The following FRMPD4 variants were observed in gnomAD, a reference collection of about 807,000 sequenced individuals.
FRMPD4 encodes FERM and PDZ domain-containing protein 4.
FRMPD4 carries 22 observed loss-of-function variants against 94.1 expected under a neutral mutation model. The ratio of observed to expected loss-of-function variants is 0.23; its 90% CI spans 0.17 to 0.33. The LOEUF is 0.33. FRMPD4 is among the 10% of genes least tolerant of loss of function. The pLI is 1.00. For missense variants in FRMPD4, 1,111 were observed against 1,339.9 expected (o/e 0.83, Z 2.67); for synonymous variants, 631 against 548.6 (o/e 1.15, Z -2.10).
chrX:12,220,089 G>A (rs1465176694), intron 1 of FRMPD4, among the ~76,000 whole-genome samples: 4 of 111,597 alleles, frequency 3.6e-5, no homozygotes, highest in East Asian at 2.8e-4. Context: ...TGTGGTGAGC[G>A]GAGATCGCAC....
intron 14 of FRMPD4, among the ~76,000 whole-genome samples, chrX:12,710,936 A>T (rs1360363767): frequency 2.7e-5 from 3 of 111,576 alleles, no homozygotes; most frequent in Non-Finnish European, 5.6e-5. Context: ...AATTAAAATT[A>T]AAAAAAGTTA....
chrX:11,871,171 G>A lies in FRMPD4; in HGVS notation c.-30+5955G>A, dbSNP rs1007054774. On this transcript the variant is annotated intron_variant, in intron 2 of 18. Coordinates refer to the FRMPD4 transcript ENST00000640291. ...TGAAGAAAGATACCCTAGCATTCTT[G>A]TTCCCTGGGGGAGGCATCTCTGAAG... 4.4e-5 allele frequency among the ~76,000 whole-genome samples: 5 copies of A among 112,486 alleles called. No homozygotes were observed. In the Admixed American group the frequency reaches 4.7e-4, roughly 11 times the overall value.
intron 1 of FRMPD4, among the ~76,000 whole-genome samples, chrX:12,458,833 G>A (rs1040351941): frequency 8.9e-6 from 1 of 111,885 alleles, no homozygotes; most frequent in Non-Finnish European, 1.9e-5. Flanking sequence ...CTCCAATGGA[G>A]TGAGGAGCTA....
At chrX:12,061,630 G>A (rs1345462820) in intron 3 of FRMPD4, among the ~76,000 whole-genome samples, 1 of 111,722 alleles carries the variant, frequency 9.0e-6, no homozygotes, top group Non-Finnish European at 1.9e-5. Flanking sequence ...ACTAAGTCAT[G>A]TTTAATTTAT....
At chrX:12,546,755 C>G (rs116537616) in intron 2 of FRMPD4, among the ~76,000 whole-genome samples, 4,511 of 110,584 alleles carry the variant, frequency 0.041, 264 homozygotes, top group African/African-American at 0.14. Context: ...CTCAATCTTG[C>G]TACCTCAAAA....
intron 1 of FRMPD4, among the ~76,000 whole-genome samples, chrX:12,156,309 A>G (rs967793875): frequency 6.3e-5 from 7 of 111,443 alleles, no homozygotes; most frequent in Non-Finnish European, 1.1e-4. Context: ...CCTCTGTTCC[A>G]CTGCCAGCCC....
At chrX:12,022,580 C>T (rs756141025) in intron 3 of FRMPD4, among the ~76,000 whole-genome samples, 44 of 111,683 alleles carry the variant, frequency 3.9e-4, no homozygotes, top group African/African-American at 1.4e-3. Context: ...ACATCACCAG[C>T]ATCATTATGT....
intron 4 of FRMPD4, among the ~76,000 whole-genome samples, chrX:12,632,834 G>T (rs2059408027): frequency 8.9e-6 from 1 of 112,205 alleles, no homozygotes; most frequent in Admixed American, 9.4e-5. Context: ...GCAGGATGAG[G>T]CAGAAAAGGA....
chrX:12,176,484 G>A (rs779223929), intron 1 of FRMPD4, among the ~76,000 whole-genome samples: 4 of 111,225 alleles, frequency 3.6e-5, no homozygotes, highest in South Asian at 3.8e-4. Flanking sequence ...AAATGTTTGC[G>A]TAAATATAAG....
chrX:12,474,521 A>G (rs1444708234), intron 1 of FRMPD4, among the ~76,000 whole-genome samples: 1 of 111,855 alleles, frequency 8.9e-6, no homozygotes. Flanking sequence ...TGAATCCAGG[A>G]GCTGGTTTTT....
intron 2 of FRMPD4, among the ~76,000 whole-genome samples, chrX:12,586,982 T>TG (rs958026523): frequency 1.1e-5 from 1 of 90,545 alleles, no homozygotes; most frequent in Admixed American, 1.2e-4. Flanking sequence ...ATGCTTTTTT[T>TG]GTTTTTTTTT....
intron 3 of FRMPD4, among the ~76,000 whole-genome samples, chrX:11,933,774 A>G (rs1395630491): frequency 1.8e-5 from 2 of 111,923 alleles, no homozygotes; most frequent in Non-Finnish European, 1.9e-5. Context: ...GACAATCAAT[A>G]TCTCACTAGA....
chrX:12,679,784 A>G (rs1339731619), intron 5 of FRMPD4, among the ~76,000 whole-genome samples: 1 of 112,073 alleles, frequency 8.9e-6, no homozygotes, highest in Non-Finnish European at 1.9e-5. Context: ...AGAGGTTCCC[A>G]GCAGGAGTAA....
chrX:12,088,510 T>C (rs1382118498), intron 3 of FRMPD4, among the ~76,000 whole-genome samples: 3 of 112,011 alleles, frequency 2.7e-5, no homozygotes, highest in Non-Finnish European at 5.6e-5. Flanking sequence ...GTCTATTTTC[T>C]TGCCTGTAAA....
At chrX:11,822,858 T>C (rs1483966436) in intron 1 of FRMPD4, among the ~76,000 whole-genome samples, 1 of 112,380 alleles carries the variant, frequency 8.9e-6, no homozygotes, top group African/African-American at 3.2e-5. Context: ...GTCTGATTGG[T>C]TGGGACTGTT....
chrX:12,170,816 C>T (rs2056207250), intron 1 of FRMPD4, among the ~76,000 whole-genome samples: 1 of 112,951 alleles, frequency 8.9e-6, no homozygotes, highest in African/African-American at 3.2e-5. Flanking sequence ...TCTCTCTCCT[C>T]TTTCCTGTAC....
At chrX:12,202,813 A>ATC (rs1218237075) in intron 1 of FRMPD4, among the ~76,000 whole-genome samples, 1 of 112,145 alleles carries the variant, frequency 8.9e-6, no homozygotes, top group Non-Finnish European at 1.9e-5. Context: ...GAAGGATGCC[A>ATC]TGTAACAACA....
At chrX:12,663,948 T>G (rs1043269378) in intron 4 of FRMPD4, among the ~76,000 whole-genome samples, 6 of 111,980 alleles carry the variant, frequency 5.4e-5, no homozygotes, top group South Asian at 7.5e-4. Flanking sequence ...CTAGGTATTT[T>G]ATTCTCTTTG....
chrX:12,057,037 G>A (rs748815915), intron 3 of FRMPD4, among the ~76,000 whole-genome samples: 1 of 111,713 alleles, frequency 9.0e-6, no homozygotes, highest in South Asian at 3.7e-4. Flanking sequence ...AAAATGCTTT[G>A]AAACAAGGAA....
Sources: gnomAD v4.1 joint callset for allele counts (sites outside exome capture counted in the v4.1 genomes callset) on GRCh38, gnomAD v4.1.1 for gene constraint, MANE v1.5 for transcripts, NCBI Gene and HGNC (gene_info 2026-07-23, HGNC 2026-07-21) for gene names.